The following ZFAND3 variants were observed in gnomAD, a reference collection of about 807,000 sequenced individuals.
ZFAND3 encodes AN1-type zinc finger protein 3.
In ZFAND3, 10 loss-of-function variants were observed where a neutral mutation model predicts 29.6. The ratio of observed to expected loss-of-function variants is 0.34; its 90% CI spans 0.21 to 0.57. The LOEUF is 0.57. Among genes scored for constraint, ZFAND3 ranks in the 20% least tolerant of loss-of-function variants. The pLI, the probability that ZFAND3 is intolerant of heterozygous loss-of-function variation, is 0.86. For missense variants in ZFAND3, 230 were observed against 304.5 expected (o/e 0.76, Z 1.82); for synonymous variants, 128 against 112.6 (o/e 1.14, Z -0.87).
intron 2 of ZFAND3, among the ~76,000 whole-genome samples, chr6:37,960,035 C>T (rs1762165499): frequency 6.6e-6 from 1 of 152,176 alleles, no homozygotes; most frequent in South Asian, 2.1e-4. Context: ...TAGGCATAAG[C>T]ATTGAAATAG....
intron 1 of ZFAND3, among the ~76,000 whole-genome samples, chr6:37,896,514 T>TTTTCTTTCTTTCTCTC (rs1765208380): frequency 9.2e-6 from 1 of 109,100 alleles, no homozygotes; most frequent in African/African-American, 3.7e-5. Context: ...TTCCTCTTTC[T>TTTTCTTTCTTTCTCTC]TTTCTTTCTT....
chr6:38,047,194 A>T (rs907278859), intron 2 of ZFAND3, among the ~76,000 whole-genome samples: 1 of 151,980 alleles, frequency 6.6e-6, no homozygotes, highest in African/African-American at 2.4e-5. Flanking sequence ...ACACACTTGT[A>T]ATCCCAGCTA....
intron 2 of ZFAND3, among the ~76,000 whole-genome samples, chr6:38,022,461 C>A (rs888523878): frequency 6.6e-6 from 1 of 152,202 alleles, no homozygotes; most frequent in African/African-American, 2.4e-5. Flanking sequence ...TTAATCCTTG[C>A]AACAGAAATA....
chr6:37,908,273 A>G (rs2127403678), intron 1 of ZFAND3, among the ~76,000 whole-genome samples: 1 of 152,342 alleles, frequency 6.6e-6, no homozygotes, highest in South Asian at 2.1e-4. Context: ...AGTTGTGTAC[A>G]TTTTAGCACA....
intron 2 of ZFAND3, among the ~76,000 whole-genome samples, chr6:37,956,962 T>C (rs1260624584): frequency 6.6e-6 from 1 of 152,186 alleles, no homozygotes; most frequent in Non-Finnish European, 1.5e-5. Flanking sequence ...TACTTGGAGG[T>C]CTAAGCCTGT....
intron 1 of ZFAND3, among the ~76,000 whole-genome samples, chr6:37,902,266 T>A (rs1765331664): frequency 6.6e-6 from 1 of 151,960 alleles, no homozygotes; most frequent in South Asian, 2.1e-4. Context: ...CGAGGCAACA[T>A]GGTGAAACAA....
intron 2 of ZFAND3, among the ~76,000 whole-genome samples, chr6:38,048,621 C>CAAAATAAAAAAAAAAAAAAAAAAAAAAAA (rs1763956600): frequency 1.8e-5 from 1 of 56,284 alleles, no homozygotes; most frequent in Non-Finnish European, 3.0e-5. Context: ...GACTCCGTCT[C>CAAAATAAAAAAAAAAAAAAAAAAAAAAAA]AAAAAAAAAA....
At chr6:37,820,366 G>A (rs1357814991) in intron 1 of ZFAND3, among the ~76,000 whole-genome samples, 1 of 152,216 alleles carries the variant, frequency 6.6e-6, no homozygotes, top group Non-Finnish European at 1.5e-5. Context: ...CCTTCCGTGG[G>A]CATGTGGAAG....
chr6:38,121,002 G>A (rs1340108586), intron 5 of ZFAND3, among the ~76,000 whole-genome samples: 1 of 152,148 alleles, frequency 6.6e-6, no homozygotes, highest in Non-Finnish European at 1.5e-5. Context: ...GTTTTATGGG[G>A]AATATAGGAG....
intron 3 of ZFAND3, among the ~76,000 whole-genome samples, chr6:38,064,850 C>G (rs55990078): frequency 0.068 from 10,379 of 152,062 alleles, 427 homozygotes; most frequent in Non-Finnish European, 0.087. Context: ...TTCTACAGAT[C>G]TAGGGAAATG....
Position 37,979,009 on chromosome 6 carries a change from A to G in ZFAND3, c.112+49010A>G, listed in dbSNP as rs534241416. Among the ~76,000 whole-genome samples, 15 of 151,732 alleles carry G rather than the reference A, an allele frequency of 9.9e-5. No homozygotes were observed. In the East Asian group the frequency reaches 2.5e-3, roughly 25 times the overall value. On this transcript the variant is annotated intron_variant, in intron 2 of 5. Coordinates refer to ENST00000287218, the MANE Select transcript of ZFAND3 (RefSeq NM_021943.3). ...CTAGACATTTATCAACTTATTGATA[A>G]TCTCAAAGACCCCTCTTTTGGGTTT...
chr6:37,874,672 C>CA (rs1223299896), intron 1 of ZFAND3, among the ~76,000 whole-genome samples: 1 of 152,158 alleles, frequency 6.6e-6, no homozygotes, highest in Non-Finnish European at 1.5e-5. Flanking sequence ...AGGTCTCCAA[C>CA]ATATCTTGTT....
intron 1 of ZFAND3, among the ~76,000 whole-genome samples, chr6:37,889,881 A>C (rs920165436): frequency 3.3e-5 from 5 of 152,254 alleles, no homozygotes; most frequent in Non-Finnish European, 5.9e-5. Flanking sequence ...ACATATTTTA[A>C]GCAGCGATTT....
chr6:38,103,484 CATATATA>C (rs1765145380), intron 4 of ZFAND3, among the ~76,000 whole-genome samples: 4 of 5,460 alleles, frequency 7.3e-4, no homozygotes, highest in African/African-American at 4.3e-3. Flanking sequence ...TATATACACA[CATATATA>C]CACGTGTATA....
At chr6:37,886,694 A>T (rs1201868404) in intron 1 of ZFAND3, among the ~76,000 whole-genome samples, 1 of 152,140 alleles carries the variant, frequency 6.6e-6, no homozygotes, top group Non-Finnish European at 1.5e-5. Context: ...TGGATTTTAT[A>T]ATTAAGAAGC....
In ZFAND3 at chr6:38,132,621, A is replaced by G. The variant is rs76482569; in HGVS notation, c.529+15882A>G. Reference sequence around the variant, plus strand: ...GATTCCTTGACATATAATCCAAGTAATTAAGGTATCTTAGAAGCCATCCAT... The same window carrying G: ...GATTCCTTGACATATAATCCAAGTAGTTAAGGTATCTTAGAAGCCATCCAT... On this transcript the variant is annotated intron_variant, in intron 5 of 5. Transcript: ENST00000287218. 5.7e-3 allele frequency among the ~76,000 whole-genome samples: 867 copies of G among 152,318 alleles called. 7 individuals carry two copies. The highest frequency in any genetic ancestry group is 0.02 in the African/African-American group (831 of 41,558).
At chr6:38,039,620 G>T (rs1287997288) in intron 2 of ZFAND3, among the ~76,000 whole-genome samples, 1 of 152,152 alleles carries the variant, frequency 6.6e-6, no homozygotes, top group Non-Finnish European at 1.5e-5. Context: ...TGTAAGACAT[G>T]CAGTACAGTA....
chr6:37,829,203 C>G (rs1480845772), intron 1 of ZFAND3, among the ~76,000 whole-genome samples: 1 of 151,282 alleles, frequency 6.6e-6, no homozygotes, highest in Non-Finnish European at 1.5e-5. Context: ...GCACTCCAGC[C>G]TGGGTAACAT....
chr6:38,029,934 A>T (rs1208086484), intron 2 of ZFAND3, among the ~76,000 whole-genome samples: 1 of 151,688 alleles, frequency 6.6e-6, no homozygotes, highest in East Asian at 1.9e-4. Flanking sequence ...TTTGCCTTAA[A>T]TTATTCTGTA....
Sources: gnomAD v4.1 joint callset for allele counts (sites outside exome capture counted in the v4.1 genomes callset) on GRCh38, gnomAD v4.1.1 for gene constraint, MANE v1.5 for transcripts, NCBI Gene and HGNC (gene_info 2026-07-23, HGNC 2026-07-21) for gene names.